The following MARK1 variants were observed in gnomAD, a reference collection of about 807,000 sequenced individuals.
MARK1 encodes serine/threonine-protein kinase MARK1.
Under a neutral mutation model 96.3 loss-of-function variants are expected in MARK1, and 40 were observed. The ratio of observed to expected loss-of-function variants is 0.42; its 90% confidence interval spans 0.32 to 0.54. The LOEUF is 0.54. Among genes scored for constraint, MARK1 ranks in the 20% least tolerant of loss-of-function variants. MARK1 has a pLI of 0.16. For missense variants in MARK1, 719 were observed against 984.6 expected (o/e 0.73, Z 3.61); for synonymous variants, 317 against 341.2 (o/e 0.93, Z 0.78).
chr1:220,663,613 C>T lies in MARK1; in HGVS notation c.*1447C>T, dbSNP rs991669411. On this transcript the variant is annotated 3_prime_UTR_variant, in exon 18 of 18. Coordinates refer to ENST00000366917, the MANE Select transcript of MARK1 (RefSeq NM_018650.5). ...AAAGAAAATAAAGCTGTGATAAATA[C>T]TGTAATTCCAACCTACATTAGAAGG... The T allele has an allele frequency of 2.0e-5, 3 of 152,544 alleles. No homozygotes were observed. Among genetic ancestry groups the T allele is most frequent in the Non-Finnish European group, 4.4e-5 (3 of 68,000 alleles). 9.4% of individuals were successfully genotyped at this position (152,544 alleles called of 1,614,324 possible). A position where few individuals can be genotyped will look rare whatever the true frequency, so the allele number is the denominator to read the frequency against.
At chr1:220,604,818 A>C (rs769183706) in intron 6 of MARK1, among the ~76,000 whole-genome samples, 1 of 152,146 alleles carries the variant, frequency 6.6e-6, no homozygotes, top group Non-Finnish European at 1.5e-5. Flanking sequence ...AGTGAATTGT[A>C]AATTGTAAGC....
chr1:220,618,382 G>T lies in MARK1; in HGVS notation c.625G>T (p.Val209Phe), dbSNP rs781264151. The T allele has an allele frequency of 6.2e-7, 1 of 1,614,150 alleles. No homozygotes were observed. Among genetic ancestry groups the T allele is most frequent in the Non-Finnish European group, 8.5e-7 (1 of 1,180,016 alleles). Residue 209 changes from valine (V) to phenylalanine (F), a missense_variant, in exon 8 of 18, where the codon GTT becomes TTT. Val to Phe is a conservative substitution (Grantham distance 50). Transcript: ENST00000366917. The surrounding 1 kb of genome is among the most constrained non-coding windows in gnomAD (Gnocchi z 4.6). ...ADFGFSNEFT[V>F]GNKLDTFCGS... ...CTTTGGTTTTAGTAATGAATTTACA[G>T]TTGGGAACAAATTGGACACATTTTG...
intron 9 of MARK1, among the ~76,000 whole-genome samples, chr1:220,624,201 G>A (rs955448587): frequency 6.6e-6 from 1 of 151,804 alleles, no homozygotes; most frequent in African/African-American, 2.4e-5. Context: ...GGGAGGCTGA[G>A]GCAGGAGAAT....
intron 11 of MARK1, 75 bp from the exon 12 acceptor site, chr1:220,635,301 C>G: frequency 6.0e-6 from 8 of 1,335,868 alleles, no homozygotes; most frequent in Non-Finnish European, 8.1e-6. Context: ...TTTAGAAAAT[C>G]AAGAGTGCAG....
chr1:220,558,165 A>ATAATAG (rs1553316622), intron 1 of MARK1, among the ~76,000 whole-genome samples: 6 of 147,954 alleles, frequency 4.1e-5, no homozygotes, highest in African/African-American at 1.5e-4. Flanking sequence ...AATAATAATA[A>ATAATAG]TAATAATAAT....
chr1:220,563,064 G>A (rs1380236519), intron 1 of MARK1, among the ~76,000 whole-genome samples: 1 of 152,072 alleles, frequency 6.6e-6, no homozygotes, highest in African/African-American at 2.4e-5. Flanking sequence ...GGCAGGCCAG[G>A]GCTGTCTTTA....
chr1:220,660,326 A>G (rs981002325), intron 17 of MARK1, among the ~76,000 whole-genome samples: 13 of 152,162 alleles, frequency 8.5e-5, no homozygotes, highest in East Asian at 5.8e-4. Context: ...GGTCTTTGGA[A>G]ATTTATTTTC....
intron 10 of MARK1, 63 bp downstream of exon 10, chr1:220,631,197 G>C: frequency 9.5e-7 from 1 of 1,051,016 alleles, no homozygotes; most frequent in Non-Finnish European, 1.5e-6. Flanking sequence ...CCTTTAGTGT[G>C]CCAAAATAGT....
intron 1 of MARK1, among the ~76,000 whole-genome samples, chr1:220,559,470 T>C (rs1211345036): frequency 6.6e-6 from 1 of 152,170 alleles, no homozygotes; most frequent in Non-Finnish European, 1.5e-5. Context: ...TTTTTATATA[T>C]AGGAAAGCAG....
chr1:220,634,385 C>A (rs993493087), intron 11 of MARK1, among the ~76,000 whole-genome samples: 1 of 152,152 alleles, frequency 6.6e-6, no homozygotes, highest in African/African-American at 2.4e-5. Context: ...TGGATCTAAG[C>A]ACCCCCACCC....
At chr1:220,549,891 A>T in intron 1 of MARK1, among the ~76,000 whole-genome samples, 2 of 152,338 alleles carry the variant, frequency 1.3e-5, no homozygotes, top group Middle Eastern at 6.8e-3. Context: ...TATATAATAT[A>T]CTTTTGTAAT....
chr1:220,571,731 A>G (rs1211749330), intron 1 of MARK1: 1 of 151,944 alleles, frequency 6.6e-6, no homozygotes, highest in Non-Finnish European at 1.5e-5. Flanking sequence ...ATTTATTTTT[A>G]TTTCTTTAGA....
intron 1 of MARK1, among the ~76,000 whole-genome samples, chr1:220,537,442 A>G (rs1225326251): frequency 6.6e-6 from 1 of 151,614 alleles, no homozygotes; most frequent in Non-Finnish European, 1.5e-5. Flanking sequence ...GCTGCATAGT[A>G]TTCCATGGTG....
intron 3 of MARK1, among the ~76,000 whole-genome samples, chr1:220,597,086 T>TTTGTA (rs10525260): frequency 0.015 from 2,348 of 152,286 alleles, 32 homozygotes; most frequent in Middle Eastern, 0.044. Context: ...TATTCCATTG[T>TTTGTA]TTGTATAGAC....
intron 6 of MARK1, among the ~76,000 whole-genome samples, chr1:220,610,346 A>G (rs942680469): frequency 2.0e-5 from 3 of 152,158 alleles, no homozygotes; most frequent in African/African-American, 7.2e-5. Context: ...CGAATCGGCT[A>G]TTGAAGCTTG....
intron 9 of MARK1, among the ~76,000 whole-genome samples, chr1:220,622,946 G>T (rs1384939059): frequency 6.6e-6 from 1 of 152,054 alleles, no homozygotes; most frequent in African/African-American, 2.4e-5. Context: ...CCCATAGCTG[G>T]TTTAATTCTT....
intron 1 of MARK1, among the ~76,000 whole-genome samples, chr1:220,564,513 G>A (rs1165363182): frequency 6.6e-6 from 1 of 151,964 alleles, no homozygotes; most frequent in African/African-American, 2.4e-5. Context: ...TATGCAAATT[G>A]TTTTCTCTAT....
Position 220,663,626 on chromosome 1 carries a change from C to A in MARK1, c.*1460C>A, listed in dbSNP as rs963703004. 2.0e-5 allele frequency: 3 copies of A among 152,482 alleles called. No homozygotes were observed. The highest frequency in any genetic ancestry group is 4.8e-5 in the African/African-American group (2 of 41,396). 9.4% of individuals were successfully genotyped at this position (152,482 alleles called of 1,614,324 possible). On this transcript the variant is annotated 3_prime_UTR_variant, in exon 18 of 18. Transcript: ENST00000366917. ...CTGTGATAAATACTGTAATTCCAAC[C>A]TACATTAGAAGGTCTAAGTGTAGGT...
chr1:220,661,899 G>A lies in MARK1; in HGVS notation c.2121G>A (p.Lys707=), dbSNP rs762755498. The part of the protein sequence containing the change: ...PRSLRFTWSM[K]TTSSMDPNDM... ...CTTTGCGGTTCACATGGAGTATGAA[G>A]ACCACTAGTTCAATGGACCCTAATG... The change falls in exon 18 of 18, where the codon AAG becomes AAA. Residue 707 remains lysine (K), a synonymous_variant. Coordinates refer to ENST00000366917, the MANE Select transcript of MARK1 (RefSeq NM_018650.5). The A allele has an allele frequency of 1.2e-6, 2 of 1,614,202 alleles. No homozygotes were observed. The highest frequency in any genetic ancestry group is 2.2e-5 in the South Asian group (2 of 91,074).
Sources: gnomAD v4.1 joint callset for allele counts (sites outside exome capture counted in the v4.1 genomes callset) on GRCh38, gnomAD v4.1.1 for gene constraint, Gnocchi (gnomAD v3.1) non-coding constraint, MANE v1.5 for transcripts, NCBI Gene and HGNC (gene_info 2026-07-23, HGNC 2026-07-21) for gene names.